CDK17: variants seen among roughly 807,000 people sequenced by gnomAD.
CDK17 encodes the protein cyclin-dependent kinase 17.
In CDK17, 24 loss-of-function variants were observed where a neutral mutation model predicts 77.6. The observed-to-expected ratio is 0.31, with a 90% CI of 0.22 to 0.44. The LOEUF (loss-of-function observed/expected upper bound fraction) is 0.44. CDK17 is among the 20% of genes least tolerant of loss of function. The probability of loss-of-function intolerance (pLI) is 1.00; values close to 1 mark genes in which losing one functional copy is unlikely to be tolerated. For missense variants in CDK17, 429 were observed against 622.5 expected (o/e 0.69, Z 3.31); for synonymous variants, 203 against 210.4 (o/e 0.96, Z 0.30).
chr12:96,316,168 T>C (rs1044066864), intron 3 of CDK17, among the ~76,000 whole-genome samples: 7 of 152,126 alleles, frequency 4.6e-5, no homozygotes, highest in Non-Finnish European at 7.4e-5. Flanking sequence ...CAGGGAGTTC[T>C]CTTTCCGAGT....
intron 1 of CDK17, among the ~76,000 whole-genome samples, chr12:96,385,244 GGA>G (rs34754433): frequency 0.49 from 73,972 of 151,606 alleles, 18,927 homozygotes; most frequent in African/African-American, 0.63. Flanking sequence ...CCCGGGAGGC[GGA>G]GAGGTTGCAG....
chr12:96,358,474 ATATT>A (rs995045635), intron 1 of CDK17, among the ~76,000 whole-genome samples: 19 of 151,696 alleles, frequency 1.3e-4, no homozygotes, highest in Middle Eastern at 3.2e-3. Context: ...ATGTATACAT[ATATT>A]TATTTACCTG....
At chr12:96,376,357 C>A (rs1487144738) in intron 1 of CDK17, among the ~76,000 whole-genome samples, 1 of 152,174 alleles carries the variant, frequency 6.6e-6, no homozygotes, top group Non-Finnish European at 1.5e-5. Context: ...TCTAATAAAG[C>A]TTTGAAATAC....
rs555412130 is a variant in CDK17, at chr12:96,395,154, G to A, written c.-30+4832C>T. Among the ~76,000 whole-genome samples, 5 of 152,172 alleles carry A rather than the reference G, an allele frequency of 3.3e-5. No homozygotes were observed. In the East Asian group the frequency reaches 7.7e-4, roughly 23 times the overall value. The stretch of plus-strand genomic sequence containing the variant: ...CTCTCAAAGTGCTGGGATTACAGGC[G>A]TGAGCCACCATGCCTCGCCCATATA... On this transcript the variant is annotated intron_variant, in intron 1 of 16. Coordinates refer to ENST00000261211, the MANE Select transcript of CDK17 (RefSeq NM_002595.5).
chr12:96,336,155 C>T (rs1449924485), intron 1 of CDK17, among the ~76,000 whole-genome samples: 1 of 151,954 alleles, frequency 6.6e-6, no homozygotes, highest in Middle Eastern at 3.2e-3. Flanking sequence ...TTACTACTTT[C>T]ATATTATATT....
At chr12:96,367,140 C>G (rs1953598990) in intron 1 of CDK17, among the ~76,000 whole-genome samples, 1 of 151,498 alleles carries the variant, frequency 6.6e-6, no homozygotes, top group Admixed American at 6.6e-5. Context: ...GTGAGGAGTT[C>G]AAGACCAGCC....
chr12:96,280,898 G>A lies in CDK17; in HGVS notation c.1457-13C>T, dbSNP rs1476704736. On this transcript the variant is annotated splice_polypyrimidine_tract_variant and intron_variant, in intron 15 of 16. Transcript: ENST00000261211. ...AATATTGATACACCTAAAATGCATA[G>A]ACAAAAATTATTAGGTGAAGGTCTA... The A allele has an allele frequency of 1.9e-6, 3 of 1,602,414 alleles. No homozygotes were observed. The highest frequency in any genetic ancestry group is 1.1e-5 in the South Asian group (1 of 88,938).
At chr12:96,344,837 T>C (rs940921648) in intron 1 of CDK17, among the ~76,000 whole-genome samples, 26 of 152,302 alleles carry the variant, frequency 1.7e-4, no homozygotes, top group Admixed American at 1.3e-4. Context: ...GTTGTTGTTT[T>C]TGAAGTTCTG....
chr12:96,357,655 T>C (rs1017781477), intron 1 of CDK17, among the ~76,000 whole-genome samples: 1 of 152,316 alleles, frequency 6.6e-6, no homozygotes, highest in South Asian at 2.1e-4. Context: ...CCTTTTTAAC[T>C]GATAAAGCAA....
In CDK17 at chr12:96,400,186, G is replaced by A. The variant is rs1045272517; in HGVS notation, c.-230C>T. On this transcript the variant is annotated 5_prime_UTR_variant, in exon 1 of 17. Coordinates refer to ENST00000261211, the MANE Select transcript of CDK17 (RefSeq NM_002595.5). The stretch of plus-strand genomic sequence containing the variant: ...GGTCCGGAGCCTCGGGAGGGGCCGC[G>A]GGTGTCTCACGCGTTGCCAAGTCCC... The A allele has an allele frequency of 1.3e-5, 5 of 394,674 alleles. No individual in the cohort carries two copies. Among genetic ancestry groups the A allele is most frequent in the Non-Finnish European group, 2.2e-5 (5 of 223,482 alleles). The allele number at this position is 394,674 out of a possible 1,614,324, so 24.4% of individuals were successfully genotyped here.
intron 1 of CDK17, chr12:96,387,060 G>C (rs1220338177): frequency 2.9e-6 from 1 of 341,616 alleles, no homozygotes; most frequent in Non-Finnish European, 5.8e-6. Flanking sequence ...TCTGTCTTCA[G>C]GGTCATTTTC....
At chr12:96,399,879 C>T (rs1052664717) in intron 1 of CDK17, 107 bp downstream of exon 1, 89 of 295,332 alleles carry the variant, frequency 3.0e-4, no homozygotes, top group Non-Finnish European at 4.2e-4. Flanking sequence ...GAGCCACCCG[C>T]GCCCCCAGTA....
At chr12:96,327,585 T>C (rs1952908012) in intron 2 of CDK17, among the ~76,000 whole-genome samples, 1 of 152,156 alleles carries the variant, frequency 6.6e-6, no homozygotes, top group African/African-American at 2.4e-5. Context: ...TCTTGCTCTG[T>C]TGCACAGGCT....
At chr12:96,387,220 T>TC (rs1953990983) in intron 1 of CDK17, 1 of 246,780 alleles carries the variant, frequency 4.1e-6, no homozygotes, top group Admixed American at 4.2e-5. Context: ...ATTCCTTGGG[T>TC]CCAATAGCAC....
rs190309531 is a variant in CDK17, at chr12:96,344,292, G to A, written c.-29-9427C>T. Among the ~76,000 whole-genome samples the A allele has an allele frequency of 2.0e-3, 306 of 152,228 alleles. 2 individuals are homozygous for A. In the South Asian group the frequency reaches 0.025, roughly 13 times the overall value. ...AGGGGGAAATATTTGAAGAAATAAC[G>A]GTGAAAAGCTTCTCAAAGCTGATGA... On this transcript the variant is annotated intron_variant, in intron 1 of 16. Coordinates refer to ENST00000261211, the MANE Select transcript of CDK17 (RefSeq NM_002595.5).
At chr12:96,346,454 AAAAT>A (rs139515890) in intron 1 of CDK17, among the ~76,000 whole-genome samples, 128,352 of 150,488 alleles carry the variant, frequency 0.85, 54,803 homozygotes, top group African/African-American at 0.86. Flanking sequence ...TCTATCTCAA[AAAAT>A]AAATAAATAA....
chr12:96,294,839 A>T (rs1294250326), intron 10 of CDK17, among the ~76,000 whole-genome samples, 160 bp downstream of exon 10: 1 of 152,128 alleles, frequency 6.6e-6, no homozygotes, highest in African/African-American at 2.4e-5. Flanking sequence ...AACCAACATA[A>T]ATCACCAACC....
chr12:96,337,399 CTCT>C (rs1953057153), intron 1 of CDK17, among the ~76,000 whole-genome samples: 2 of 152,166 alleles, frequency 1.3e-5, no homozygotes, highest in South Asian at 4.1e-4. Context: ...TGAATCTTGA[CTCT>C]TCAAGTGTTG....
chr12:96,323,277 A>C (rs11108470), intron 3 of CDK17, among the ~76,000 whole-genome samples: 121 of 100,420 alleles, frequency 1.2e-3, no homozygotes, highest in Non-Finnish European at 2.1e-3. Flanking sequence ...CTAAAAAAAA[A>C]AAAAAAACAA....
Sources: gnomAD v4.1 joint callset for allele counts (sites outside exome capture counted in the v4.1 genomes callset) on GRCh38, gnomAD v4.1.1 for gene constraint, MANE v1.5 for transcripts, NCBI Gene and HGNC (gene_info 2026-07-23, HGNC 2026-07-21) for gene names.